Variants in ZFY observed in about 807,000 individuals in gnomAD.
ZFY encodes the protein zinc finger protein Y-linked, also known as zinc finger Y-chromosomal protein.
For missense variants in ZFY, 113 were observed against 170.9 expected (o/e 0.66, Z 1.89); for synonymous variants, 47 against 55.8 (o/e 0.84, Z 0.71).
At chrY:2,966,047 T>G (rs2051326557) in intron 3 of ZFY, among the ~76,000 whole-genome samples, 1 of 33,122 alleles carries the variant, frequency 3.0e-5, no homozygotes, top group African/African-American at 1.2e-4. Context: ...AATCTGATTT[T>G]CACAGTTGCC....
chrY:2,938,983 TTATATATATATATA>T (rs765202788), intron 1 of ZFY, among the ~76,000 whole-genome samples: 61 of 5,226 alleles, frequency 0.012, no homozygotes, highest in South Asian at 0.037. Context: ...CATACAGTGC[TTATATATATATATA>T]TATATATATA....
At chrY:2,962,453 T>C (rs745802737) in intron 3 of ZFY, among the ~76,000 whole-genome samples, 1 of 33,868 alleles carries the variant, frequency 3.0e-5, no homozygotes, top group South Asian at 6.4e-4. Flanking sequence ...GTTATCCTAA[T>C]TGACCAGTTC....
intron 1 of ZFY, among the ~76,000 whole-genome samples, chrY:2,950,189 C>CCA (rs2051274708): frequency 3.1e-5 from 1 of 32,191 alleles, no homozygotes; most frequent in Non-Finnish European, 7.6e-5. Context: ...GTAGCTGGGA[C>CCA]CACAGGTGCA....
chrY:2,939,018 T>TATAA (rs2051230995), intron 1 of ZFY, among the ~76,000 whole-genome samples: 1 of 19,299 alleles, frequency 5.2e-5, no homozygotes, highest in African/African-American at 1.9e-4. Flanking sequence ...TATATATATA[T>TATAA]ATATAAATAA....
chrY:2,971,499 T>G, intron 3 of ZFY, among the ~76,000 whole-genome samples: 1 of 33,480 alleles, frequency 3.0e-5, no homozygotes, highest in Non-Finnish European at 7.4e-5. Flanking sequence ...CCCTACCTGC[T>G]GTATCCTTTG....
intron 1 of ZFY, among the ~76,000 whole-genome samples, chrY:2,952,562 AAC>A (rs2051282253): frequency 3.0e-5 from 1 of 33,822 alleles, no homozygotes; most frequent in Non-Finnish European, 7.3e-5. Flanking sequence ...AATGTCATAA[AAC>A]ACACTTTCTT....
chrY:2,964,069 C>T (rs756973657), intron 3 of ZFY, among the ~76,000 whole-genome samples: 1 of 32,856 alleles, frequency 3.0e-5, no homozygotes, highest in Admixed American at 2.8e-4. Context: ...ATTTCTGAAA[C>T]GTGTTTTTTC....
At chrY:2,943,156 A>G in intron 1 of ZFY, among the ~76,000 whole-genome samples, 1 of 34,509 alleles carries the variant, frequency 2.9e-5, no homozygotes, top group Non-Finnish European at 7.3e-5. Flanking sequence ...CAGTTTTCCA[A>G]TTTATAAGTT....
At chrY:2,938,635 A>G (rs772634122) in intron 1 of ZFY, among the ~76,000 whole-genome samples, 49 of 30,535 alleles carry the variant, frequency 1.6e-3, no homozygotes, top group Non-Finnish European at 1.4e-3. Flanking sequence ...ACTGGTGTGC[A>G]TTGTTGCTGT....
intron 1 of ZFY, among the ~76,000 whole-genome samples, chrY:2,940,463 C>A (rs2051238191): frequency 3.0e-5 from 1 of 33,489 alleles, no homozygotes; most frequent in Non-Finnish European, 7.4e-5. Flanking sequence ...TAAGCAAGTA[C>A]AAATCTGTTG....
intron 3 of ZFY, among the ~76,000 whole-genome samples, chrY:2,966,521 G>T: frequency 3.0e-5 from 1 of 33,086 alleles, no homozygotes; most frequent in Non-Finnish European, 7.4e-5. Context: ...TCTATGGAAC[G>T]CCATGAAGTA....
At chrY:2,944,661 A>G in intron 1 of ZFY, among the ~76,000 whole-genome samples, 1 of 28,739 alleles carries the variant, frequency 3.5e-5, no homozygotes, top group Non-Finnish European at 8.2e-5. Flanking sequence ...CAGGTTGCCT[A>G]TTAAAAAGGG....
intron 3 of ZFY, among the ~76,000 whole-genome samples, chrY:2,970,018 C>T: frequency 3.0e-5 from 1 of 32,975 alleles, no homozygotes; most frequent in Non-Finnish European, 7.5e-5. Context: ...TTTTTGAGCA[C>T]TCTTTAATTT....
intron 3 of ZFY, among the ~76,000 whole-genome samples, chrY:2,963,815 G>A: frequency 3.1e-5 from 1 of 32,309 alleles, no homozygotes; most frequent in African/African-American, 1.2e-4. Flanking sequence ...TATATTTTTT[G>A]TATATACACA....
intron 3 of ZFY, among the ~76,000 whole-genome samples, chrY:2,963,876 C>T (rs2051318345): frequency 9.4e-5 from 3 of 31,959 alleles, no homozygotes; most frequent in Non-Finnish European, 2.3e-4. Context: ...CATTATTAGA[C>T]GTATATATCT....
chrY:2,974,109 A>C, intron 3 of ZFY, among the ~76,000 whole-genome samples: 1 of 31,987 alleles, frequency 3.1e-5, no homozygotes, highest in Non-Finnish European at 7.6e-5. Context: ...GGTTTTTTTT[A>C]AAAATGCATG....
At chrY:2,953,098 GAGGCTGAGGTGGGAGGATTGCTCAAGCTC>G in intron 1 of ZFY, among the ~76,000 whole-genome samples, 1 of 32,937 alleles carries the variant, frequency 3.0e-5, no homozygotes, top group Non-Finnish European at 7.4e-5. Flanking sequence ...AGTACTTTGT[GAGGCTGAGGTGGGAGGATTGCTCAAGCTC>G]AGGACTTTGA....
At chrY:2,941,664 CTTAT>C (rs2051241701) in intron 1 of ZFY, among the ~76,000 whole-genome samples, 2 of 30,659 alleles carry the variant, frequency 6.5e-5, no homozygotes, top group African/African-American at 1.3e-4. Flanking sequence ...CCACACCTGG[CTTAT>C]TTATTTATTT....
chrY:2,937,536 C>T (rs2051220253), intron 1 of ZFY, among the ~76,000 whole-genome samples: 1 of 28,690 alleles, frequency 3.5e-5, no homozygotes, highest in African/African-American at 1.4e-4. Flanking sequence ...TTGAATTAGT[C>T]TCTACTAGAC....
Sources: gnomAD v4.1 joint callset for allele counts (sites outside exome capture counted in the v4.1 genomes callset) on GRCh38, gnomAD v4.1.1 for gene constraint, MANE v1.5 for transcripts, NCBI Gene and HGNC (gene_info 2026-07-23, HGNC 2026-07-21) for gene names.